The following STK31 variants were observed in gnomAD, a reference collection of about 807,000 sequenced individuals.
The protein encoded by STK31 is serine/threonine kinase 31.
A neutral mutation model predicts 129.7 loss-of-function variants in STK31; 89 were observed. That is an observed-to-expected ratio of 0.69 (90% CI 0.58 to 0.82). The LOEUF (loss-of-function observed/expected upper bound fraction) is 0.82, where lower values mean the gene tolerates loss of function less well. STK31 is among the 40% of genes least tolerant of loss of function. The pLI, the probability that STK31 is intolerant of heterozygous loss-of-function variation, is 0.00. For synonymous variants in STK31, 448 were observed against 395.3 expected, an observed-to-expected ratio of 1.13 and a Z score of -1.58; for missense variants, 1,187 against 1,176.4, an observed-to-expected ratio of 1.01 and a Z score of -0.13.
intron 12 of STK31, 93 bp downstream of exon 12, chr7:23,769,267 C>T (rs565448399): frequency 8.3e-7 from 1 of 1,199,778 alleles, no homozygotes; most frequent in East Asian, 2.7e-5. Context: ...CTGACATCAT[C>T]TACCTACTAT....
Position 23,710,224 on chromosome 7 carries a change from C to A in STK31, c.-62C>A. Reference sequence around the variant, plus strand: ...AGGCGCAGTGTGGGGCCCTTGCGGTCGAAGCTCACGCGGTAAGCCGCTGCA... The same window carrying A: ...AGGCGCAGTGTGGGGCCCTTGCGGTAGAAGCTCACGCGGTAAGCCGCTGCA... On this transcript the variant is annotated 5_prime_UTR_variant, in exon 1 of 24. Coordinates refer to ENST00000355870, the MANE Select transcript of STK31 (RefSeq NM_031414.5). 1.2e-6 allele frequency: 2 copies of A among 1,611,018 alleles called. No individual in the cohort carries two copies. Among genetic ancestry groups the A allele is most frequent in the South Asian group, 2.2e-5 (2 of 90,488 alleles).
At chr7:23,745,925 C>T (rs1400061105) in intron 8 of STK31, among the ~76,000 whole-genome samples, 1 of 152,196 alleles carries the variant, frequency 6.6e-6, no homozygotes, top group East Asian at 1.9e-4. Context: ...AGCAGGATAG[C>T]ATTTCCTCAG....
At chr7:23,793,896 A>G (rs891840995) in intron 22 of STK31, among the ~76,000 whole-genome samples, 2 of 152,242 alleles carry the variant, frequency 1.3e-5, no homozygotes, top group African/African-American at 4.8e-5. Context: ...GCCAAGAGAA[A>G]TGAAAGCATA....
chr7:23,770,720 C>T (rs181390244), intron 13 of STK31, among the ~76,000 whole-genome samples: 20 of 152,238 alleles, frequency 1.3e-4, no homozygotes, highest in African/African-American at 2.4e-5. Flanking sequence ...ATCTCCCTGC[C>T]TCAGCCTCCC....
At chr7:23,811,313 G>T in intron 22 of STK31, 2 of 419,538 alleles carry the variant, frequency 4.8e-6, no homozygotes, top group Non-Finnish European at 9.3e-6. Flanking sequence ...TGCAGCTTCT[G>T]CCATAAAAGG....
chr7:23,823,392 CTTCTTTTGAGAAGTGTCTGTTCATA>C (rs1313914754), intron 23 of STK31, among the ~76,000 whole-genome samples: 3 of 152,124 alleles, frequency 2.0e-5, no homozygotes, highest in African/African-American at 7.2e-5. Context: ...GCATAAATGT[CTTCTTTTGAGAAGTGTCTGTTCATA>C]TCCTTCATCC....
chr7:23,721,517 G>T, intron 4 of STK31: 1 of 985,642 alleles, frequency 1.0e-6, no homozygotes, highest in South Asian at 1.3e-5. Flanking sequence ...AAATATGTAT[G>T]TGTTAGTTCT....
chr7:23,748,011 A>G (rs1346350600), intron 8 of STK31, among the ~76,000 whole-genome samples: 1 of 152,214 alleles, frequency 6.6e-6, no homozygotes, highest in African/African-American at 2.4e-5. Context: ...AATTTGCTAA[A>G]GGAGATTTAA....
intron 6 of STK31, among the ~76,000 whole-genome samples, chr7:23,733,406 T>C (rs1787540820): frequency 6.6e-6 from 1 of 151,534 alleles, no homozygotes; most frequent in African/African-American, 2.4e-5. Context: ...TTTTTTTTTT[T>C]TTTTGGGTAG....
intron 22 of STK31, chr7:23,811,494 C>A: frequency 3.6e-6 from 1 of 281,396 alleles, no homozygotes; most frequent in South Asian, 4.8e-5. Flanking sequence ...CCCTTGGGTC[C>A]TTCAGTAGAG....
chr7:23,740,700 G>A (rs145140004), intron 8 of STK31, among the ~76,000 whole-genome samples: 155 of 152,078 alleles, frequency 1.0e-3, no homozygotes, highest in African/African-American at 3.6e-3. Flanking sequence ...CTGTGTCCAT[G>A]TGTTCTCATT....
At position 23,752,627 on chromosome 7, in the gene STK31, C is replaced by A. The variant is rs992612301; in HGVS notation, c.1018-90C>A. ...AAGTGTTGGAATTACAGGCATGAGC[C>A]ACTGTGCCCAGCCAAAAATTATTTA... On this transcript the variant is annotated intron_variant, in intron 8 of 23. Transcript: ENST00000355870. 2.4e-5 allele frequency: 21 copies of A among 893,614 alleles called. No individual in the cohort carries two copies. In the African/African-American group the frequency reaches 2.7e-4, roughly 11 times the overall value. The allele number at this position is 893,614 out of a possible 1,614,324, so 55.4% of individuals were successfully genotyped here. A position where few individuals can be genotyped will look rare whatever the true frequency, so the allele number is the denominator to read the frequency against.
At chr7:23,828,879 T>G (rs927601193) in intron 23 of STK31, among the ~76,000 whole-genome samples, 4 of 152,014 alleles carry the variant, frequency 2.6e-5, no homozygotes, top group African/African-American at 9.7e-5. Flanking sequence ...GAGGAATGTT[T>G]TTCTTTTTCT....
At chr7:23,825,636 G>T (rs1374815229) in intron 23 of STK31, among the ~76,000 whole-genome samples, 1 of 152,134 alleles carries the variant, frequency 6.6e-6, no homozygotes, top group African/African-American at 2.4e-5. Flanking sequence ...CTTGCCTTCT[G>T]CTAGCTTTTG....
Position 23,787,971 on chromosome 7 carries a change from T to C in STK31, c.2488-9T>C, listed in dbSNP as rs1791399651. On this transcript the variant is annotated splice_polypyrimidine_tract_variant and intron_variant, in intron 20 of 23. Coordinates refer to ENST00000355870, the MANE Select transcript of STK31 (RefSeq NM_031414.5). ...CTTCCTCACTTCTTTTATGTGTACT[T>C]ATCTATAGGAAACTTTAAAGGTCAT... The C allele has an allele frequency of 6.5e-7, 1 of 1,537,490 alleles. No individual in the cohort carries two copies. The highest frequency in any genetic ancestry group is 8.7e-7 in the Non-Finnish European group (1 of 1,145,242).
At chr7:23,710,742 G>C in intron 1 of STK31, 1 of 1,055,018 alleles carries the variant, frequency 9.5e-7, no homozygotes. Context: ...GCAGAAAGTG[G>C]GTACGGCATC....
chr7:23,711,429 GAAA>G (rs995172446), intron 1 of STK31, among the ~76,000 whole-genome samples: 1 of 125,742 alleles, frequency 8.0e-6, no homozygotes, highest in Non-Finnish European at 1.7e-5. Flanking sequence ...CGTTTGGGGG[GAAA>G]AAAAAAAAAA....
At chr7:23,766,219 T>G (rs1441436211) in intron 11 of STK31, among the ~76,000 whole-genome samples, 1 of 152,206 alleles carries the variant, frequency 6.6e-6, no homozygotes, top group African/African-American at 2.4e-5. Context: ...CATGTTTCCT[T>G]TACACCTTTG....
intron 23 of STK31, among the ~76,000 whole-genome samples, chr7:23,829,026 A>G (rs974875343): frequency 1.3e-5 from 2 of 151,570 alleles, no homozygotes; most frequent in East Asian, 3.9e-4. Flanking sequence ...CAGCCTTGCC[A>G]AGTAGCTGGG....
Sources: allele counts gnomAD v4.1 joint callset (sites outside exome capture counted in the v4.1 genomes callset), GRCh38; gene constraint gnomAD v4.1.1; transcripts MANE v1.5; gene names NCBI Gene and HGNC (gene_info 2026-07-23, HGNC 2026-07-21).